The following CSMD1 variants were observed in gnomAD, a reference collection of about 807,000 sequenced individuals.
The protein encoded by CSMD1 is CUB and sushi domain-containing protein 1.
Under a neutral mutation model 417.5 loss-of-function variants are expected in CSMD1, and 213 were observed. The observed-to-expected ratio is 0.51, with a 90% CI of 0.46 to 0.57. The LOEUF is 0.57. Ranked by LOEUF, CSMD1 falls within the 20% of genes least tolerant of loss-of-function variation. CSMD1 has a pLI of 0.00. For synonymous variants in CSMD1, 2,862 were observed against 1,736.8 expected (o/e 1.65, Z -16.11); for missense variants, 6,923 against 4,529.7 (o/e 1.53, Z -15.17).
intron 3 of CSMD1, among the ~76,000 whole-genome samples, chr8:4,146,081 G>T (rs1011296118): frequency 2.0e-5 from 3 of 150,924 alleles, no homozygotes; most frequent in African/African-American, 5.0e-5. Context: ...GCAATTGCAT[G>T]TATCTGCCTC....
intron 33 of CSMD1, among the ~76,000 whole-genome samples, chr8:3,199,120 G>C (rs534526783): frequency 3.3e-5 from 5 of 152,164 alleles, no homozygotes; most frequent in Non-Finnish European, 5.9e-5. Context: ...TTACTTTGCA[G>C]AATCTTTGAG....
chr8:3,374,634 T>C (rs1810193285), intron 18 of CSMD1, among the ~76,000 whole-genome samples: 1 of 152,116 alleles, frequency 6.6e-6, no homozygotes, highest in Non-Finnish European at 1.5e-5. Flanking sequence ...ATGGTGAGTA[T>C]GGAGTAAGTG....
chr8:3,646,802 G>T lies in CSMD1; in HGVS notation c.1010-30005C>A, dbSNP rs191248125. Among the ~76,000 whole-genome samples, 21 of 152,150 alleles carry T rather than the reference G, an allele frequency of 1.4e-4. No homozygotes were observed. The East Asian group carries it at 4.1e-3, about 30-fold the overall frequency. On this transcript the variant is annotated intron_variant, in intron 7 of 69. Transcript: ENST00000635120. ...GCATCCGTCCTTCCTCATTGTTCCA[G>T]CCCTGTCTTGCTTCCCCTGCCTCCT...
intron 2 of CSMD1, among the ~76,000 whole-genome samples, chr8:4,588,714 G>C (rs764712851): frequency 1.3e-5 from 2 of 151,736 alleles, no homozygotes; most frequent in Non-Finnish European, 2.9e-5. Context: ...GAACCCGGGA[G>C]GCAGAGGTTG....
At chr8:3,798,126 A>G (rs903044847) in intron 5 of CSMD1, among the ~76,000 whole-genome samples, 1 of 152,044 alleles carries the variant, frequency 6.6e-6, no homozygotes. Context: ...AGAGGAATTC[A>G]GTATATAAAT....
intron 1 of CSMD1, among the ~76,000 whole-genome samples, chr8:4,769,418 T>A (rs1221392264): frequency 6.6e-6 from 1 of 152,178 alleles, no homozygotes; most frequent in Non-Finnish European, 1.5e-5. Flanking sequence ...TTCTTGGCAT[T>A]TTGGGAAAAC....
chr8:4,356,171 G>A (rs533419568), intron 3 of CSMD1, among the ~76,000 whole-genome samples: 1 of 152,048 alleles, frequency 6.6e-6, no homozygotes, highest in Non-Finnish European at 1.5e-5. Context: ...CATCCTTATA[G>A]CTTAACTGCC....
At chr8:3,322,751 T>C (rs558327669) in intron 23 of CSMD1, among the ~76,000 whole-genome samples, 108 of 152,210 alleles carry the variant, frequency 7.1e-4, no homozygotes, top group African/African-American at 2.6e-3. Flanking sequence ...ATATCACGAG[T>C]ACCCGTACTT....
At chr8:3,336,251 C>G (rs552981009) in intron 23 of CSMD1, among the ~76,000 whole-genome samples, 1 of 152,252 alleles carries the variant, frequency 6.6e-6, no homozygotes, top group East Asian at 1.9e-4. Context: ...TAATCAGTCC[C>G]TTTGCAACTT....
chr8:4,992,270 G>T (rs958210086), intron 1 of CSMD1, among the ~76,000 whole-genome samples: 2 of 152,014 alleles, frequency 1.3e-5, no homozygotes, highest in African/African-American at 4.8e-5. Context: ...CAGCCCACCC[G>T]CGTGGGGGCG....
rs559572181 is a variant in CSMD1, at chr8:3,032,807, G to A, written c.7661-3294C>T. On this transcript the variant is annotated intron_variant, in intron 50 of 69. Coordinates refer to ENST00000635120, the MANE Select transcript of CSMD1 (RefSeq NM_033225.6). ...CTTCAGAGTCAAATGCTTAGTTTTG[G>A]CGCAAAATTTCACTTGCACACCCTT... Among the ~76,000 whole-genome samples the A allele has an allele frequency of 6.1e-4, 93 of 151,942 alleles. 2 individuals carry two copies. In the Middle Eastern group the frequency reaches 0.031, roughly 50 times the overall value.
At chr8:4,181,182 T>G (rs1410176789) in intron 3 of CSMD1, among the ~76,000 whole-genome samples, 1 of 152,116 alleles carries the variant, frequency 6.6e-6, no homozygotes, top group African/African-American at 2.4e-5. Flanking sequence ...GAGAAAGCAT[T>G]GAATAAATAG....
chr8:4,273,112 A>G (rs970012531), intron 3 of CSMD1, among the ~76,000 whole-genome samples: 3 of 152,170 alleles, frequency 2.0e-5, no homozygotes, highest in South Asian at 2.1e-4. Flanking sequence ...AATGAAAGCC[A>G]AAGAGCCAAA....
intron 48 of CSMD1, among the ~76,000 whole-genome samples, chr8:3,089,376 T>A (rs1421274037): frequency 6.6e-6 from 1 of 152,258 alleles, no homozygotes; most frequent in East Asian, 1.9e-4. Context: ...CATTGTTAAT[T>A]CAGCCTGCGC....
chr8:4,584,851 C>A (rs1319084494), intron 2 of CSMD1, among the ~76,000 whole-genome samples: 3 of 151,940 alleles, frequency 2.0e-5, no homozygotes, highest in African/African-American at 7.3e-5. Flanking sequence ...ATAAGAAAAC[C>A]AGCTTTTATT....
Position 3,409,594 on chromosome 8 carries a change from C to T in CSMD1, c.1573G>A (p.Gly525Arg). ...FKAVYQEIEK[G>R]GCGDPGIPAY... ...GGGATTCCAGGATCCCCACACCCTC[C>T]CTTTTCAATTTCTGAAAATGGAAAA... Residue 525 changes from glycine to arginine, a missense_variant, in exon 13 of 70, where the codon GGA becomes AGA. Gly to Arg is a moderately radical substitution (Grantham distance 125). Transcript: ENST00000635120. 6.3e-7 allele frequency: 1 copy of T among 1,585,984 alleles called. No individual in the cohort carries two copies. Among genetic ancestry groups the T allele is most frequent in the Admixed American group, 1.8e-5 (1 of 56,402 alleles).
intron 10 of CSMD1, among the ~76,000 whole-genome samples, chr8:3,512,353 A>G (rs143170285): frequency 6.6e-6 from 1 of 152,252 alleles, no homozygotes; most frequent in East Asian, 1.9e-4. Context: ...CCCCTAATAC[A>G]GACTTCAGCT....
intron 22 of CSMD1, 73 bp from the exon 23 acceptor site, chr8:3,343,523 T>C: frequency 2.3e-6 from 3 of 1,319,520 alleles, no homozygotes; most frequent in South Asian, 1.4e-5. Flanking sequence ...TAATAAACAA[T>C]CCAAATCTTC....
chr8:3,790,283 G>C (rs1278766962), intron 5 of CSMD1, among the ~76,000 whole-genome samples: 2 of 152,134 alleles, frequency 1.3e-5, no homozygotes, highest in African/African-American at 2.4e-5. Flanking sequence ...CAGAAAACAA[G>C]ATGAAGTAAG....
Sources: allele counts gnomAD v4.1 joint callset (sites outside exome capture counted in the v4.1 genomes callset), GRCh38; gene constraint gnomAD v4.1.1; transcripts MANE v1.5; gene names NCBI Gene and HGNC (gene_info 2026-07-23, HGNC 2026-07-21).